GABRG3: variants seen among roughly 807,000 people sequenced by gnomAD.
GABRG3 encodes gamma-aminobutyric acid type A receptor subunit gamma3.
GABRG3 carries 25 observed loss-of-function variants against 48.8 expected under a neutral mutation model. The ratio of observed to expected loss-of-function variants is 0.51; its 90% CI spans 0.37 to 0.72. The LOEUF (loss-of-function observed/expected upper bound fraction) is 0.72. Among genes scored for constraint, GABRG3 ranks in the 30% least tolerant of loss-of-function variants. The pLI, the probability that GABRG3 is intolerant of heterozygous loss-of-function variation, is 0.00. For synonymous variants in GABRG3, 227 were observed against 217.6 expected (o/e 1.04, Z -0.38); for missense variants, 394 against 577.9 (o/e 0.68, Z 3.26).
At chr15:27,376,489 G>C (rs1895600318) in intron 5 of GABRG3, among the ~76,000 whole-genome samples, 1 of 152,220 alleles carries the variant, frequency 6.6e-6, no homozygotes, top group Non-Finnish European at 1.5e-5. Context: ...TTCTGCGTGG[G>C]CATCCAGGTG....
intron 6 of GABRG3, among the ~76,000 whole-genome samples, chr15:27,506,289 G>A (rs1890758790): frequency 6.6e-6 from 1 of 152,180 alleles, no homozygotes; most frequent in Non-Finnish European, 1.5e-5. Flanking sequence ...TTTAAGACAT[G>A]GAAATTATCT....
intron 3 of GABRG3, among the ~76,000 whole-genome samples, chr15:27,286,038 A>T (rs1891600006): frequency 6.6e-6 from 1 of 152,244 alleles, no homozygotes; most frequent in Non-Finnish European, 1.5e-5. Flanking sequence ...ATTAAAAACT[A>T]AGTAATCATG....
intron 5 of GABRG3, among the ~76,000 whole-genome samples, chr15:27,339,419 C>T (rs1275826504): frequency 1.3e-5 from 2 of 152,254 alleles, no homozygotes; most frequent in Non-Finnish European, 2.9e-5. Context: ...AGGCAGGCCT[C>T]TGCCACAGGT....
intron 3 of GABRG3, among the ~76,000 whole-genome samples, chr15:27,188,571 GTTGT>G (rs1390734742): frequency 1.9e-4 from 28 of 150,774 alleles, no homozygotes; most frequent in Admixed American, 1.4e-3. Context: ...TTTTGATGGG[GTTGT>G]TTGTTTTTTT....
chr15:27,026,976 A>T, intron 3 of GABRG3, 155 bp downstream of exon 3: 2 of 350,508 alleles, frequency 5.7e-6, no homozygotes, highest in South Asian at 5.5e-5. Flanking sequence ...AAAATGGTAA[A>T]AAAAAAAATG....
At chr15:27,395,083 A>G (rs1887260525) in intron 5 of GABRG3, among the ~76,000 whole-genome samples, 2 of 152,014 alleles carry the variant, frequency 1.3e-5, no homozygotes, top group South Asian at 2.1e-4. Flanking sequence ...TGGAGTTCCC[A>G]TTGTGCATGT....
At chr15:27,042,805 G>C (rs564822960) in intron 3 of GABRG3, among the ~76,000 whole-genome samples, 92 of 152,346 alleles carry the variant, frequency 6.0e-4, no homozygotes, top group African/African-American at 2.2e-3. Flanking sequence ...GCCTGAGTCA[G>C]GCTGGCCTGT....
At chr15:27,086,550 G>T (rs1432362873) in intron 3 of GABRG3, among the ~76,000 whole-genome samples, 1 of 152,158 alleles carries the variant, frequency 6.6e-6, no homozygotes, top group Non-Finnish European at 1.5e-5. Flanking sequence ...ATGGAAAGTT[G>T]TCAAAACTGT....
chr15:27,414,217 T>G (rs1217533187), intron 5 of GABRG3, among the ~76,000 whole-genome samples: 1 of 152,216 alleles, frequency 6.6e-6, no homozygotes, highest in Middle Eastern at 3.2e-3. Context: ...CCCCTTGGGA[T>G]CAGTTCATGT....
chr15:26,983,485 C>T (rs1432131), intron 2 of GABRG3, among the ~76,000 whole-genome samples: 88,510 of 152,070 alleles, frequency 0.58, 27,220 homozygotes, highest in East Asian at 0.9. Flanking sequence ...AGTTGCACTT[C>T]GCTTCTCAGA....
chr15:27,041,127 A>G (rs1049164134), intron 3 of GABRG3, among the ~76,000 whole-genome samples: 12 of 152,226 alleles, frequency 7.9e-5, no homozygotes, highest in African/African-American at 2.7e-4. Flanking sequence ...ACCATTCACA[A>G]TGCTTATTAT....
At chr15:27,159,668 C>G (rs1043183032) in intron 3 of GABRG3, among the ~76,000 whole-genome samples, 5 of 152,096 alleles carry the variant, frequency 3.3e-5, no homozygotes, top group African/African-American at 1.2e-4. Context: ...TTACACTCTA[C>G]CCATTTTCCC....
At chr15:27,396,617 G>A (rs62003765) in intron 5 of GABRG3, among the ~76,000 whole-genome samples, 14,579 of 152,144 alleles carry the variant, frequency 0.096, 735 homozygotes, top group East Asian at 0.16. Context: ...TACACCTACC[G>A]TATTATCAGC....
chr15:27,190,711 T>C (rs1428978523), intron 3 of GABRG3, among the ~76,000 whole-genome samples: 2 of 152,166 alleles, frequency 1.3e-5, no homozygotes, highest in Non-Finnish European at 2.9e-5. Context: ...AAGGGTTTTT[T>C]GTGTCTCTAT....
At chr15:27,022,489 G>T (rs1386381659) in intron 2 of GABRG3, among the ~76,000 whole-genome samples, 2 of 152,310 alleles carry the variant, frequency 1.3e-5, no homozygotes, top group East Asian at 3.9e-4. Flanking sequence ...GAGAGGGGCT[G>T]AGGCGAGTTT....
intron 6 of GABRG3, among the ~76,000 whole-genome samples, chr15:27,506,553 A>T (rs1001545959): frequency 1.3e-5 from 2 of 152,202 alleles, no homozygotes; most frequent in African/African-American, 4.8e-5. Context: ...TGATATTAGA[A>T]GGAGATTTTT....
chr15:27,324,930 C>T (rs1893555651), intron 3 of GABRG3, among the ~76,000 whole-genome samples: 1 of 129,410 alleles, frequency 7.7e-6, no homozygotes, highest in Non-Finnish European at 1.5e-5. Flanking sequence ...AAAGAGGTTA[C>T]TGGGTGGCAG....
chr15:27,073,955 A>G (rs1302744971), intron 3 of GABRG3, among the ~76,000 whole-genome samples: 2 of 152,334 alleles, frequency 1.3e-5, no homozygotes, highest in East Asian at 3.9e-4. Context: ...TTTACAAAAG[A>G]AAGAGGTTTA....
intron 3 of GABRG3, among the ~76,000 whole-genome samples, chr15:27,066,695 C>T (rs1896743334): frequency 6.6e-6 from 1 of 151,980 alleles, no homozygotes; most frequent in Non-Finnish European, 1.5e-5. Flanking sequence ...GATCAGCATT[C>T]AGGAGGTCAT....
Sources: gnomAD v4.1 joint callset for allele counts (sites outside exome capture counted in the v4.1 genomes callset) on GRCh38, gnomAD v4.1.1 for gene constraint, MANE v1.5 for transcripts, NCBI Gene and HGNC (gene_info 2026-07-23, HGNC 2026-07-21) for gene names.